The following PRKG1 variants were observed in gnomAD, a reference collection of about 807,000 sequenced individuals.
PRKG1 encodes the protein cGMP-dependent protein kinase 1.
A neutral mutation model predicts 88.1 loss-of-function variants in PRKG1; 35 were observed. The ratio of observed to expected loss-of-function variants is 0.40; its 90% confidence interval spans 0.30 to 0.53. The LOEUF is 0.53. Ranked by LOEUF, PRKG1 falls within the 20% of genes least tolerant of loss-of-function variation. The pLI is 0.59. For missense variants in PRKG1, 540 were observed against 839.8 expected, an observed-to-expected ratio of 0.64 and a Z score of 4.41; for synonymous variants, 303 against 292.5, an observed-to-expected ratio of 1.04 and a Z score of -0.37.
chr10:51,707,064 G>A (rs1841623876), intron 3 of PRKG1, among the ~76,000 whole-genome samples: 2 of 152,032 alleles, frequency 1.3e-5, no homozygotes, highest in Admixed American at 6.6e-5. Context: ...TTATTTTCAA[G>A]TTGTACAACC....
At chr10:51,063,628 G>A (rs1416852413) in intron 1 of PRKG1, among the ~76,000 whole-genome samples, 2 of 152,128 alleles carry the variant, frequency 1.3e-5, no homozygotes, top group African/African-American at 2.4e-5. Flanking sequence ...ATGACTGTAC[G>A]TTAATAAGAG....
At chr10:51,843,702 C>G (rs532084612) in intron 4 of PRKG1, among the ~76,000 whole-genome samples, 1 of 152,234 alleles carries the variant, frequency 6.6e-6, no homozygotes, top group African/African-American at 2.4e-5. Context: ...TTCATGCCAC[C>G]ATCATCTCTT....
At chr10:52,177,002 C>T (rs1366759347) in intron 9 of PRKG1, among the ~76,000 whole-genome samples, 1 of 151,954 alleles carries the variant, frequency 6.6e-6, no homozygotes, top group Admixed American at 6.6e-5. Flanking sequence ...TTTGGATGCC[C>T]TTTATTTGTT....
At chr10:51,971,974 C>G (rs1843723544) in intron 5 of PRKG1, among the ~76,000 whole-genome samples, 1 of 152,108 alleles carries the variant, frequency 6.6e-6, no homozygotes, top group South Asian at 2.1e-4. Context: ...TGCTGCAGAT[C>G]TTTGTTAAAT....
intron 7 of PRKG1, among the ~76,000 whole-genome samples, chr10:52,076,306 C>G (rs1211782193): frequency 1.3e-5 from 2 of 152,250 alleles, no homozygotes; most frequent in African/African-American, 4.8e-5. Flanking sequence ...CCCGTAGTCC[C>G]AGCACTTTGG....
intron 1 of PRKG1, among the ~76,000 whole-genome samples, chr10:51,057,267 C>G (rs1423340657): frequency 6.6e-6 from 1 of 152,138 alleles, no homozygotes; most frequent in Non-Finnish European, 1.5e-5. Flanking sequence ...TTTCTAAAAT[C>G]TAACAGTTGA....
intron 1 of PRKG1, among the ~76,000 whole-genome samples, chr10:51,059,283 T>C (rs1843668431): frequency 6.6e-6 from 1 of 152,216 alleles, no homozygotes; most frequent in African/African-American, 2.4e-5. Context: ...AAAGAAGTCT[T>C]TTAATAATTC....
chr10:52,284,727 G>A (rs1450904879), intron 14 of PRKG1, among the ~76,000 whole-genome samples: 2 of 152,020 alleles, frequency 1.3e-5, no homozygotes, highest in African/African-American at 2.4e-5. Context: ...AGCAAAGACT[G>A]TTCATGCAGA....
At chr10:51,698,230 G>A (rs142115985) in intron 3 of PRKG1, 1 of 1,613,948 alleles carries the variant, frequency 6.2e-7, no homozygotes, top group East Asian at 2.2e-5. Flanking sequence ...CCATCGCACA[G>A]GTCTCCATTC....
At chr10:51,078,385 ATTT>A (rs34894735) in intron 1 of PRKG1, among the ~76,000 whole-genome samples, 1 of 85,730 alleles carries the variant, frequency 1.2e-5, no homozygotes, top group African/African-American at 4.6e-5. Context: ...ATGCCTGGCT[ATTT>A]TTTTTTTTTT....
rs1430237487 is a variant in PRKG1, at chr10:51,033,482, C to G, written c.266+41838C>G. ...AGGACATGTACCCTTTCCCACACTG[C>G]TTTGTTTTATACTTATCTTTGAATA... is the stretch of plus-strand genomic sequence containing the variant. On this transcript the variant is annotated intron_variant, in intron 1 of 17. Transcript: ENST00000401604. Among the ~76,000 whole-genome samples the G allele has an allele frequency of 4.6e-5, 7 of 152,212 alleles. No homozygotes were observed. The East Asian group carries it at 1.4e-3, about 29-fold the overall frequency.
intron 2 of PRKG1, among the ~76,000 whole-genome samples, chr10:51,199,007 G>A (rs1355154362): frequency 6.6e-6 from 1 of 152,184 alleles, no homozygotes; most frequent in Non-Finnish European, 1.5e-5. Context: ...TTGATAAGAA[G>A]TGATACTGAA....
At chr10:51,897,811 T>TA (rs1841888286) in intron 4 of PRKG1, among the ~76,000 whole-genome samples, 1 of 152,130 alleles carries the variant, frequency 6.6e-6, no homozygotes, top group Non-Finnish European at 1.5e-5. Flanking sequence ...TCATCTGGTC[T>TA]ACCAGCATCC....
At chr10:51,069,110 C>T (rs1219141709) in intron 1 of PRKG1, among the ~76,000 whole-genome samples, 1 of 151,860 alleles carries the variant, frequency 6.6e-6, no homozygotes, top group Non-Finnish European at 1.5e-5. Context: ...AAGAAGGGGA[C>T]TATAAAAATT....
intron 7 of PRKG1, among the ~76,000 whole-genome samples, chr10:52,119,434 C>T (rs1847764064): frequency 6.6e-6 from 1 of 152,140 alleles, no homozygotes; most frequent in Admixed American, 6.5e-5. Context: ...GATGAGAGAA[C>T]ACAGTCCAGT....
At chr10:52,292,617 T>C (rs974726494) in intron 17 of PRKG1, among the ~76,000 whole-genome samples, 2 of 152,160 alleles carry the variant, frequency 1.3e-5, no homozygotes, top group Non-Finnish European at 1.5e-5. Context: ...GTTCCATTGA[T>C]CTATATCTCT....
intron 7 of PRKG1, among the ~76,000 whole-genome samples, chr10:52,070,189 C>T (rs1021513188): frequency 3.9e-5 from 6 of 152,092 alleles, no homozygotes; most frequent in African/African-American, 1.4e-4. Context: ...ATTCCTTTGC[C>T]CACTATTGCT....
intron 3 of PRKG1, among the ~76,000 whole-genome samples, chr10:51,525,601 G>C (rs968434157): frequency 2.6e-5 from 4 of 152,124 alleles, no homozygotes; most frequent in Admixed American, 1.3e-4. Flanking sequence ...GGGAGGCTGA[G>C]GCAGGAGAAT....
intron 17 of PRKG1, among the ~76,000 whole-genome samples, chr10:52,290,916 T>TA (rs1842225369): frequency 6.6e-6 from 1 of 151,646 alleles, no homozygotes; most frequent in African/African-American, 2.4e-5. Flanking sequence ...CACTCTTTTT[T>TA]TTTTTTTTTT....
Sources: allele counts gnomAD v4.1 joint callset (sites outside exome capture counted in the v4.1 genomes callset), GRCh38; gene constraint gnomAD v4.1.1; transcripts MANE v1.5; gene names NCBI Gene and HGNC (gene_info 2026-07-23, HGNC 2026-07-21).